SMOC2: variants seen among roughly 807,000 people sequenced by gnomAD.
SMOC2 encodes SPARC related modular calcium binding 2, also known as SPARC-related modular calcium-binding protein 2.
Under a neutral mutation model 61.4 loss-of-function variants are expected in SMOC2, and 39 were observed. That is an observed-to-expected ratio of 0.64 (90% confidence interval 0.49 to 0.83). SMOC2 has a LOEUF of 0.83. SMOC2 is among the 40% of genes least tolerant of loss of function. The pLI is 0.00. For missense variants in SMOC2, 556 were observed against 592.9 expected, an observed-to-expected ratio of 0.94 and a Z score of 0.65; for synonymous variants, 247 against 239.9, an observed-to-expected ratio of 1.03 and a Z score of -0.27.
chr6:168,589,205 G>T (rs1344668866), intron 7 of SMOC2, among the ~76,000 whole-genome samples: 3 of 152,172 alleles, frequency 2.0e-5, no homozygotes, highest in Non-Finnish European at 4.4e-5. Context: ...AGACCCCTTA[G>T]GGTAATGTGT....
chr6:168,610,120 G>A (rs1785816451), intron 9 of SMOC2, among the ~76,000 whole-genome samples: 1 of 152,214 alleles, frequency 6.6e-6, no homozygotes, highest in African/African-American at 2.4e-5. Flanking sequence ...TGTCTTCTCT[G>A]AGTGTCAGAG....
intron 9 of SMOC2, among the ~76,000 whole-genome samples, chr6:168,613,745 G>C (rs1302478672): frequency 2.3e-5 from 2 of 87,566 alleles, no homozygotes; most frequent in African/African-American, 3.8e-5. Flanking sequence ...AGCACAGGGG[G>C]CCTCTTCACA....
intron 7 of SMOC2, among the ~76,000 whole-genome samples, chr6:168,559,875 A>G (rs1042244549): frequency 2.0e-5 from 3 of 152,188 alleles, no homozygotes; most frequent in Non-Finnish European, 2.9e-5. Flanking sequence ...CTCTGTAGTC[A>G]CCCTTATCAA....
Position 168,610,304 on chromosome 6 carries a change from G to A in SMOC2, c.907+2065G>A, listed in dbSNP as rs901590075. 6.6e-5 allele frequency among the ~76,000 whole-genome samples: 10 copies of A among 152,330 alleles called. No homozygotes were observed. The South Asian group carries it at 8.3e-4, about 13-fold the overall frequency. On this transcript the variant is annotated intron_variant, in intron 9 of 12. Coordinates refer to ENST00000356284, the MANE Select transcript of SMOC2 (RefSeq NM_001166412.2). Reference sequence around the variant, plus strand: ...TGCTGAGGCATCAAAGCCACGTGACGCAAACTGTGCAAAGGTCAGCTTGTG... The same window carrying A: ...TGCTGAGGCATCAAAGCCACGTGACACAAACTGTGCAAAGGTCAGCTTGTG...
In SMOC2 at chr6:168,664,120, G is replaced by A. The variant is rs1207268858; in HGVS notation, c.1323+9G>A. 6.3e-7 allele frequency: 1 copy of A among 1,598,570 alleles called. No homozygotes were observed. The highest frequency in any genetic ancestry group is 1.1e-5 in the South Asian group (1 of 90,520). ...GTACGTCTAATAGACAGGTAAGTAT[G>A]TTTATATTTTACTCTTAACCATTTC... On this transcript the variant is annotated intron_variant, in intron 12 of 12. Transcript: ENST00000356284.
chr6:168,594,114 G>T (rs866679315), intron 7 of SMOC2, among the ~76,000 whole-genome samples: 7 of 31,324 alleles, frequency 2.2e-4, no homozygotes, highest in Admixed American at 2.7e-4. Flanking sequence ...CTCACGAGGG[G>T]CATCTTTCTA....
intron 1 of SMOC2, among the ~76,000 whole-genome samples, chr6:168,477,136 G>A (rs901734362): frequency 2.6e-5 from 4 of 152,168 alleles, no homozygotes; most frequent in African/African-American, 4.8e-5. Context: ...TTCAAACCTT[G>A]GTGTCAACTA....
chr6:168,571,912 C>T (rs796906936), intron 7 of SMOC2, among the ~76,000 whole-genome samples: 3 of 53,644 alleles, frequency 5.6e-5, no homozygotes, highest in African/African-American at 1.1e-4. Flanking sequence ...GCTCCCTGAA[C>T]GCGATGTTCA....
chr6:168,457,645 C>T (rs879528593), intron 1 of SMOC2, among the ~76,000 whole-genome samples: 15 of 152,142 alleles, frequency 9.9e-5, no homozygotes, highest in Admixed American at 3.9e-4. Context: ...GCCTCGCACT[C>T]GCTGCAGCCC....
chr6:168,464,524 T>C (rs1171310800), intron 1 of SMOC2, among the ~76,000 whole-genome samples: 2 of 151,984 alleles, frequency 1.3e-5, no homozygotes, highest in East Asian at 3.9e-4. Context: ...AGTGATTGGT[T>C]CAGTTATAAT....
intron 8 of SMOC2, among the ~76,000 whole-genome samples, chr6:168,605,478 T>C (rs1180238058): frequency 6.6e-6 from 1 of 152,114 alleles, no homozygotes; most frequent in Non-Finnish European, 1.5e-5. Flanking sequence ...CGGACTTATT[T>C]CTCCTCTTTC....
intron 2 of SMOC2, among the ~76,000 whole-genome samples, chr6:168,511,447 T>C (rs2749263): frequency 0.59 from 89,553 of 151,964 alleles, 28,655 homozygotes; most frequent in Non-Finnish European, 0.72. Flanking sequence ...CTCACTATGA[T>C]GAGAATAACA....
chr6:168,513,518 AACAC>A (rs1783059995), intron 2 of SMOC2, among the ~76,000 whole-genome samples: 1 of 152,004 alleles, frequency 6.6e-6, no homozygotes, highest in Non-Finnish European at 1.5e-5. Flanking sequence ...CACTCACATA[AACAC>A]ACACAAACTT....
chr6:168,616,891 C>T (rs962190332), intron 9 of SMOC2, among the ~76,000 whole-genome samples: 8 of 152,090 alleles, frequency 5.3e-5, no homozygotes, highest in East Asian at 3.9e-4. Flanking sequence ...CGCTGCACTG[C>T]GGGGGGGTTG....
At chr6:168,635,608 C>T (rs535383003) in intron 9 of SMOC2, among the ~76,000 whole-genome samples, 26 of 152,260 alleles carry the variant, frequency 1.7e-4, no homozygotes, top group Admixed American at 1.2e-3. Context: ...TGGTGGCTCA[C>T]GCCTGTAATC....
chr6:168,551,736 G>C (rs1784134751), intron 7 of SMOC2, among the ~76,000 whole-genome samples: 1 of 152,170 alleles, frequency 6.6e-6, no homozygotes, highest in East Asian at 1.9e-4. Context: ...TTATGGGCGT[G>C]AGCCACCATG....
Position 168,567,979 on chromosome 6 carries a change from G to A in SMOC2, c.637+18776G>A, listed in dbSNP as rs9455659. ...TCTCTTCAGATGAGCAGACACAGGC[G>A]AAGACCGGATGGTGTGAGTCGGTGT... On this transcript the variant is annotated intron_variant, in intron 7 of 12. Transcript: ENST00000356284. Among the ~76,000 whole-genome samples, 289 of 146,070 alleles carry A rather than the reference G, an allele frequency of 2.0e-3. 2 individuals carry two copies. Among genetic ancestry groups the A allele is most frequent in the African/African-American group, 5.9e-3 (215 of 36,244 alleles).
intron 1 of SMOC2, among the ~76,000 whole-genome samples, chr6:168,501,986 C>G (rs1405118879): frequency 6.6e-6 from 1 of 152,208 alleles, no homozygotes; most frequent in Non-Finnish European, 1.5e-5. Flanking sequence ...GCATCTGCCT[C>G]CATCTTTCCC....
chr6:168,613,982 C>T (rs1785971826), intron 9 of SMOC2, among the ~76,000 whole-genome samples: 1 of 80,710 alleles, frequency 1.2e-5, no homozygotes, highest in Non-Finnish European at 2.6e-5. Context: ...GGCCTCTTCA[C>T]ACCTACAGCC....
Sources: allele counts gnomAD v4.1 joint callset (sites outside exome capture counted in the v4.1 genomes callset), GRCh38; gene constraint gnomAD v4.1.1; transcripts MANE v1.5; gene names NCBI Gene and HGNC (gene_info 2026-07-23, HGNC 2026-07-21).